GRIN2A: variants seen among roughly 807,000 people sequenced by gnomAD.
GRIN2A encodes glutamate ionotropic receptor NMDA type subunit 2A, also known as glutamate receptor ionotropic, NMDA 2A.
In GRIN2A, 22 loss-of-function variants were observed where a neutral mutation model predicts 113.4. The ratio of observed to expected loss-of-function variants is 0.19; its 90% CI spans 0.14 to 0.28. The LOEUF (loss-of-function observed/expected upper bound fraction) is 0.28, where lower values mean the gene tolerates loss of function less well. Among genes scored for constraint, GRIN2A ranks in the 10% least tolerant of loss-of-function variants. GRIN2A has a pLI of 1.00. For synonymous variants in GRIN2A, 827 were observed against 738.4 expected (o/e 1.12, Z -1.94); for missense variants, 1,502 against 1,887.0 (o/e 0.80, Z 3.78).
chr16:9,996,493 T>G (rs1053016524), intron 2 of GRIN2A, among the ~76,000 whole-genome samples: 1 of 152,170 alleles, frequency 6.6e-6, no homozygotes, highest in African/African-American at 2.4e-5. Flanking sequence ...AGGGAGAAAA[T>G]TAATTGCCTG....
intron 4 of GRIN2A, among the ~76,000 whole-genome samples, chr16:9,860,743 T>C (rs1052867347): frequency 6.6e-6 from 1 of 151,916 alleles, no homozygotes; most frequent in African/African-American, 2.4e-5. Context: ...GAACTCAAAG[T>C]GTAAAATCAA....
At chr16:10,106,278 G>A (rs900679688) in intron 2 of GRIN2A, among the ~76,000 whole-genome samples, 14 of 147,460 alleles carry the variant, frequency 9.5e-5, no homozygotes, top group African/African-American at 3.5e-4. Context: ...ATAAGAAAAA[G>A]TGGTCTGGCA....
At chr16:9,789,575 C>T (rs1464627138) in intron 11 of GRIN2A, among the ~76,000 whole-genome samples, 1 of 150,894 alleles carries the variant, frequency 6.6e-6, no homozygotes, top group South Asian at 2.1e-4. Flanking sequence ...CACACACACA[C>T]ACACACACAC....
intron 3 of GRIN2A, among the ~76,000 whole-genome samples, chr16:9,898,712 A>G (rs372030637): frequency 2.0e-5 from 3 of 147,142 alleles, no homozygotes; most frequent in African/African-American, 7.9e-5. Flanking sequence ...TTGTCATTTA[A>G]TTTACATGTT....
chr16:9,952,209 G>T (rs978433035), intron 2 of GRIN2A, among the ~76,000 whole-genome samples: 11 of 152,078 alleles, frequency 7.2e-5, no homozygotes, highest in Non-Finnish European at 1.3e-4. Flanking sequence ...TGAGAGTTGT[G>T]GCCAAAGAAA....
At position 9,761,407 on chromosome 16, in the gene GRIN2A, A is replaced by C. The variant is rs970986820; in HGVS notation, c.*1742T>G. 8.7e-6 allele frequency: 2 copies of C among 231,214 alleles called. No individual in the cohort carries two copies. Among genetic ancestry groups the C allele is most frequent in the African/African-American group, 4.4e-5 (2 of 45,232 alleles). The allele number at this position is 231,214 out of a possible 1,614,324, so 14.3% of individuals were successfully genotyped here. A position where few individuals can be genotyped will look rare whatever the true frequency, so the allele number is the denominator to read the frequency against. On this transcript the variant is annotated 3_prime_UTR_variant, in exon 13 of 13. Coordinates refer to ENST00000330684, the MANE Select transcript of GRIN2A (RefSeq NM_001134407.3). ...CCAGGAAATGGCCAGGCGAGTCTAC[A>C]TTAGCTTAGTGTTTCCGTAATGGCC...
At chr16:10,017,567 C>T (rs1440918270) in intron 2 of GRIN2A, among the ~76,000 whole-genome samples, 2 of 152,124 alleles carry the variant, frequency 1.3e-5, no homozygotes, top group East Asian at 3.9e-4. Context: ...TGAACAGTAA[C>T]AGTTCCCAGC....
At chr16:9,996,887 T>A (rs1344515399) in intron 2 of GRIN2A, among the ~76,000 whole-genome samples, 8 of 152,342 alleles carry the variant, frequency 5.3e-5, no homozygotes, top group Middle Eastern at 6.8e-3. Context: ...GTCTGATTCC[T>A]CTAACACCAG....
intron 2 of GRIN2A, among the ~76,000 whole-genome samples, chr16:10,002,214 C>T (rs2046333066): frequency 6.6e-6 from 1 of 152,166 alleles, no homozygotes; most frequent in African/African-American, 2.4e-5. Flanking sequence ...GCATCAGGTT[C>T]CTTAATGCTT....
intron 11 of GRIN2A, among the ~76,000 whole-genome samples, chr16:9,772,741 T>A (rs1303286364): frequency 6.6e-6 from 1 of 152,032 alleles, no homozygotes; most frequent in African/African-American, 2.4e-5. Flanking sequence ...TCCCAGAACA[T>A]CTTCCTTTCG....
intron 2 of GRIN2A, among the ~76,000 whole-genome samples, chr16:10,018,186 G>C (rs1198830600): frequency 6.6e-6 from 1 of 152,146 alleles, no homozygotes; most frequent in Non-Finnish European, 1.5e-5. Context: ...AAGACATTTA[G>C]CTTCGTTTAG....
chr16:10,122,361 C>T (rs560853302), intron 2 of GRIN2A, among the ~76,000 whole-genome samples: 2 of 152,226 alleles, frequency 1.3e-5, no homozygotes, highest in African/African-American at 4.8e-5. Context: ...TTTCAGGAGG[C>T]TTCGGGGTAA....
chr16:9,936,457 T>C (rs1390410957), intron 3 of GRIN2A, among the ~76,000 whole-genome samples: 1 of 151,806 alleles, frequency 6.6e-6, no homozygotes, highest in Non-Finnish European at 1.5e-5. Flanking sequence ...AACTCCAGAG[T>C]TGAGGCCCTT....
intron 7 of GRIN2A, among the ~76,000 whole-genome samples, chr16:9,836,761 T>C (rs887108042): frequency 1.3e-5 from 2 of 152,230 alleles, no homozygotes; most frequent in Admixed American, 6.5e-5. Flanking sequence ...GCAACATCTA[T>C]AGTGTCTAAG....
intron 2 of GRIN2A, among the ~76,000 whole-genome samples, chr16:9,950,583 C>G (rs778389257): frequency 6.6e-6 from 1 of 152,202 alleles, no homozygotes; most frequent in African/African-American, 2.4e-5. Flanking sequence ...GCTACAATGA[C>G]AGCCTTCTCT....
At chr16:10,061,669 C>T (rs925566530) in intron 2 of GRIN2A, among the ~76,000 whole-genome samples, 4 of 152,152 alleles carry the variant, frequency 2.6e-5, no homozygotes, top group Admixed American at 2.6e-4. Flanking sequence ...CTAAGTGCCT[C>T]TTTTCCGAAC....
intron 5 of GRIN2A, among the ~76,000 whole-genome samples, chr16:9,845,698 G>C (rs1272784189): frequency 6.6e-6 from 1 of 152,108 alleles, no homozygotes; most frequent in Non-Finnish European, 1.5e-5. Context: ...TACCTGGAAG[G>C]CTTTGCCCAG....
At chr16:10,019,522 G>T (rs965258617) in intron 2 of GRIN2A, among the ~76,000 whole-genome samples, 13 of 152,302 alleles carry the variant, frequency 8.5e-5, no homozygotes, top group Admixed American at 2.0e-4. Context: ...TTAATGACAA[G>T]ATAAAACACA....
chr16:10,092,820 G>C (rs2048205619), intron 2 of GRIN2A, among the ~76,000 whole-genome samples: 1 of 149,952 alleles, frequency 6.7e-6, no homozygotes, highest in African/African-American at 2.5e-5. Flanking sequence ...AAATCTCAAG[G>C]TATACATAAA....
Sources: allele counts gnomAD v4.1 joint callset (sites outside exome capture counted in the v4.1 genomes callset), GRCh38; gene constraint gnomAD v4.1.1; transcripts MANE v1.5; gene names NCBI Gene and HGNC (gene_info 2026-07-23, HGNC 2026-07-21).